Variants in PCDH15 observed in about 807,000 individuals in gnomAD.
The protein encoded by PCDH15 is protocadherin-15.
In PCDH15, 129 loss-of-function variants were observed where a neutral mutation model predicts 178.5. That is an observed-to-expected ratio of 0.72 (90% CI 0.63 to 0.84). The LOEUF (loss-of-function observed/expected upper bound fraction) is 0.84. Among genes scored for constraint, PCDH15 ranks in the 40% least tolerant of loss-of-function variants. The probability of loss-of-function intolerance (pLI) is 0.00; values close to 1 mark genes in which losing one functional copy is unlikely to be tolerated. For missense variants in PCDH15, 2,230 were observed against 2,099.9 expected, an observed-to-expected ratio of 1.06 and a Z score of -1.21; for synonymous variants, 800 against 732.0, an observed-to-expected ratio of 1.09 and a Z score of -1.50.
At chr10:54,812,498 C>T (rs1447035257) in intron 3 of PCDH15, among the ~76,000 whole-genome samples, 1 of 151,702 alleles carries the variant, frequency 6.6e-6, no homozygotes, top group Admixed American at 6.6e-5. Context: ...TTCACTCTGT[C>T]GCCAGGTTGG....
At chr10:54,572,677 T>C (rs1280199821) in intron 2 of PCDH15, among the ~76,000 whole-genome samples, 1 of 152,146 alleles carries the variant, frequency 6.6e-6, no homozygotes, top group East Asian at 1.9e-4. Flanking sequence ...ATGGAATCCA[T>C]TACACTGCTT....
chr10:53,998,909 T>C (rs964003404), intron 20 of PCDH15, among the ~76,000 whole-genome samples: 2 of 151,604 alleles, frequency 1.3e-5, no homozygotes, highest in Non-Finnish European at 2.9e-5. Context: ...ACAATAAGCC[T>C]GGCATGGTGG....
At chr10:55,364,162 T>C (rs1465003097) in intron 2 of PCDH15, among the ~76,000 whole-genome samples, 2 of 151,992 alleles carry the variant, frequency 1.3e-5, no homozygotes, top group East Asian at 1.9e-4. Flanking sequence ...AGGGCCTTGC[T>C]TCCCCTTCCC....
intron 1 of PCDH15, among the ~76,000 whole-genome samples, chr10:54,731,597 T>C (rs968611827): frequency 8.3e-5 from 9 of 108,560 alleles, no homozygotes; most frequent in South Asian, 3.3e-4. Flanking sequence ...CACACACATA[T>C]ATATATAGTT....
chr10:54,060,942 T>C (rs4418714), intron 18 of PCDH15, among the ~76,000 whole-genome samples: 93,894 of 151,962 alleles, frequency 0.62, 29,348 homozygotes, highest in Middle Eastern at 0.77. Context: ...GGTAAGTGGC[T>C]GGAAAGCTGG....
intron 1 of PCDH15, among the ~76,000 whole-genome samples, chr10:54,764,813 C>T (rs1305104430): frequency 3.3e-5 from 5 of 151,892 alleles, no homozygotes; most frequent in East Asian, 1.9e-4. Flanking sequence ...AAGGGCAATG[C>T]GTAAGGCAAA....
chr10:54,904,514 G>A (rs1231461717), intron 2 of PCDH15, among the ~76,000 whole-genome samples: 2 of 151,804 alleles, frequency 1.3e-5, no homozygotes, highest in African/African-American at 4.8e-5. Context: ...ATAATAAGAT[G>A]ACAAAATACT....
chr10:55,345,100 A>C (rs1844712631), intron 2 of PCDH15, among the ~76,000 whole-genome samples: 1 of 151,728 alleles, frequency 6.6e-6, no homozygotes, highest in African/African-American at 2.4e-5. Context: ...CTTTGTATTA[A>C]AATCTCTCAA....
At chr10:54,635,816 CTTATA>C (rs2093837239) in intron 2 of PCDH15, among the ~76,000 whole-genome samples, 1 of 151,846 alleles carries the variant, frequency 6.6e-6, no homozygotes, top group Non-Finnish European at 1.5e-5. Flanking sequence ...TACACTGGAT[CTTATA>C]TTTATCATTC....
chr10:55,168,694 CTT>C (rs1169890775), intron 1 of PCDH15, among the ~76,000 whole-genome samples: 2 of 152,096 alleles, frequency 1.3e-5, no homozygotes, highest in African/African-American at 2.4e-5. Context: ...AAAATTAACA[CTT>C]AAAGCATTTA....
intron 20 of PCDH15, among the ~76,000 whole-genome samples, chr10:54,017,860 T>C (rs1565024100): frequency 6.6e-6 from 1 of 152,186 alleles, no homozygotes; most frequent in African/African-American, 2.4e-5. Flanking sequence ...CGTGTTTCAC[T>C]GTGACTGAAG....
At chr10:54,696,698 C>T (rs2095231159) in intron 1 of PCDH15, among the ~76,000 whole-genome samples, 1 of 151,858 alleles carries the variant, frequency 6.6e-6, no homozygotes, top group Non-Finnish European at 1.5e-5. Flanking sequence ...AAAAACCGCC[C>T]TATTTTTGTA....
At chr10:54,969,069 GTCTGTT>G in intron 2 of PCDH15, among the ~76,000 whole-genome samples, 1 of 139,588 alleles carries the variant, frequency 7.2e-6, no homozygotes, top group African/African-American at 2.8e-5. Flanking sequence ...TAACTCTGAG[GTCTGTT>G]TCTATTATTT....
intron 2 of PCDH15, among the ~76,000 whole-genome samples, chr10:55,582,624 ATATATTTTT>A (rs1436670258): frequency 1.1e-4 from 7 of 62,268 alleles, no homozygotes; most frequent in African/African-American, 4.4e-4. Context: ...ATATATATAT[ATATATTTTT>A]TTTTTTTTGC....
At chr10:54,217,322 T>C (rs945574078) in intron 9 of PCDH15, among the ~76,000 whole-genome samples, 1 of 152,152 alleles carries the variant, frequency 6.6e-6, no homozygotes, top group African/African-American at 2.4e-5. Flanking sequence ...ATTTTAAAAG[T>C]AGTACTGACA....
At chr10:55,011,999 A>C (rs1287850848) in intron 2 of PCDH15, among the ~76,000 whole-genome samples, 1 of 152,080 alleles carries the variant, frequency 6.6e-6, no homozygotes, top group African/African-American at 2.4e-5. Flanking sequence ...AGGAAGAGCC[A>C]ATTAAAAATT....
intron 26 of PCDH15, among the ~76,000 whole-genome samples, chr10:53,873,794 G>T (rs181668773): frequency 9.8e-5 from 15 of 152,292 alleles, no homozygotes; most frequent in African/African-American, 3.4e-4. Context: ...TGAAGGATGG[G>T]CCTTTGCAAA....
chr10:53,967,551 T>G (rs540880199), intron 21 of PCDH15, among the ~76,000 whole-genome samples: 2 of 152,334 alleles, frequency 1.3e-5, no homozygotes, highest in East Asian at 1.9e-4. Context: ...GGATTACAGG[T>G]GTAAACCACT....
At chr10:54,240,631 T>C (rs961920746) in intron 8 of PCDH15, among the ~76,000 whole-genome samples, 2,076 of 134,974 alleles carry the variant, frequency 0.015, 36 homozygotes, top group African/African-American at 0.037. Flanking sequence ...TTTTGCTTTT[T>C]TTTTTTTTTT....
Sources: allele counts gnomAD v4.1 joint callset (sites outside exome capture counted in the v4.1 genomes callset), GRCh38; gene constraint gnomAD v4.1.1; transcripts MANE v1.5; gene names NCBI Gene and HGNC (gene_info 2026-07-23, HGNC 2026-07-21).